The following SEMA3A variants were observed in gnomAD, a reference collection of about 807,000 sequenced individuals.
SEMA3A encodes semaphorin-3A.
Under a neutral mutation model 97.9 loss-of-function variants are expected in SEMA3A, and 29 were observed. The ratio of observed to expected loss-of-function variants is 0.30; its 90% CI spans 0.22 to 0.40. SEMA3A has a LOEUF of 0.40. Ranked by LOEUF, SEMA3A falls within the 10% of genes least tolerant of loss-of-function variation. The probability of loss-of-function intolerance (pLI) is 1.00; values close to 1 mark genes in which losing one functional copy is unlikely to be tolerated. For missense variants in SEMA3A, 763 were observed against 951.3 expected (o/e 0.80, Z 2.60); for synonymous variants, 321 against 323.7 (o/e 0.99, Z 0.09).
intron 15 of SEMA3A, 152 bp downstream of exon 15, chr7:83,976,980 T>C (rs1789174097): frequency 4.8e-6 from 2 of 419,112 alleles, no homozygotes; most frequent in Non-Finnish European, 8.5e-6. Context: ...TTGTGTTCTT[T>C]AGGATTTTCT....
chr7:84,406,230 C>T (rs1201100088), intron 1 of SEMA3A, among the ~76,000 whole-genome samples: 1 of 152,034 alleles, frequency 6.6e-6, no homozygotes, highest in African/African-American at 2.4e-5. Flanking sequence ...ACCACCGATC[C>T]CACAGAAATA....
At chr7:84,134,257 G>A (rs1000124004) in intron 2 of SEMA3A, among the ~76,000 whole-genome samples, 5 of 152,124 alleles carry the variant, frequency 3.3e-5, no homozygotes, top group African/African-American at 9.7e-5. Flanking sequence ...CATTTTTGTA[G>A]ACCAGTTGAT....
intron 2 of SEMA3A, among the ~76,000 whole-genome samples, chr7:84,308,824 C>CTTTTT (rs35125279): frequency 6.9e-6 from 1 of 144,942 alleles, no homozygotes; most frequent in African/African-American, 2.6e-5. Context: ...CTTTTTTTTT[C>CTTTTT]TTTTTTTTTT....
chr7:84,424,560 TAA>T lies in SEMA3A; in HGVS notation c.-245-52662_-245-52661del, dbSNP rs1491335712. Among the ~76,000 whole-genome samples the T allele has an allele frequency of 1.0e-3, 72 of 70,432 alleles. 1 individual carries two copies. The highest frequency in any genetic ancestry group is 4.0e-3 in the South Asian group (11 of 2,730). The allele number at this position is 70,432 out of a possible 152,430, so 46.2% of individuals were successfully genotyped here. A position where few individuals can be genotyped will look rare whatever the true frequency, so the allele number is the denominator to read the frequency against. On this transcript the variant is annotated intron_variant, in intron 1 of 3. Coordinates refer to the SEMA3A transcript ENST00000424555. ...TATAAATATTAATATATATTATATA[TAA>T]TATATAAATATTAATATATATTATA...
intron 2 of SEMA3A, among the ~76,000 whole-genome samples, chr7:84,346,524 T>A (rs181846799): frequency 3.0e-4 from 45 of 152,262 alleles, no homozygotes; most frequent in African/African-American, 1.1e-3. Flanking sequence ...GGCTATTAAT[T>A]GGCCTAATAT....
At chr7:84,051,363 G>A (rs113316532) in intron 5 of SEMA3A, among the ~76,000 whole-genome samples, 51 of 152,050 alleles carry the variant, frequency 3.4e-4, no homozygotes, top group Non-Finnish European at 5.4e-4. Context: ...TCTTCCTTTT[G>A]TTTGTATCCT....
rs60164389 is a variant in SEMA3A at position 84,344,035 on chromosome 7, A to G, written c.-169+27789T>C. ...GGAAAAAAAAAAAAGAAAATTTGTA[A>G]TATTCATATAGACATTATTTAAAGA... is the stretch of plus-strand genomic sequence containing the variant. On this transcript the variant is annotated intron_variant, in intron 2 of 3. Coordinates refer to the SEMA3A transcript ENST00000424555. Among the ~76,000 whole-genome samples the G allele has an allele frequency of 0.011, 1,600 of 152,162 alleles. 46 individuals carry two copies. In the East Asian group the frequency reaches 0.11, roughly 11 times the overall value.
At chr7:84,054,300 C>T (rs1792840167) in intron 5 of SEMA3A, among the ~76,000 whole-genome samples, 1 of 152,276 alleles carries the variant, frequency 6.6e-6, no homozygotes, top group Non-Finnish European at 1.5e-5. Flanking sequence ...TAATATCCTG[C>T]AGAGTGTTTT....
chr7:84,308,276 G>T (rs555906271), intron 2 of SEMA3A, among the ~76,000 whole-genome samples: 22 of 152,050 alleles, frequency 1.4e-4, no homozygotes, highest in Non-Finnish European at 2.5e-4. Context: ...GATAGGATTA[G>T]ATAAAATTTA....
intron 3 of SEMA3A, among the ~76,000 whole-genome samples, chr7:84,282,544 G>A (rs1216088744): frequency 6.6e-6 from 1 of 152,028 alleles, no homozygotes; most frequent in Non-Finnish European, 1.5e-5. Context: ...TATTTGTGAA[G>A]TTTGTAAGCT....
chr7:84,472,579 T>C (rs1031753139), intron 1 of SEMA3A, among the ~76,000 whole-genome samples: 5 of 152,206 alleles, frequency 3.3e-5, no homozygotes, highest in Non-Finnish European at 5.9e-5. Flanking sequence ...TTCTATCAGA[T>C]ACAATGTTCA....
chr7:83,965,659 TATATATA>T (rs1281299293), intron 15 of SEMA3A, among the ~76,000 whole-genome samples: 26 of 12,292 alleles, frequency 2.1e-3, no homozygotes, highest in Non-Finnish European at 2.9e-3. Context: ...TATATATATA[TATATATA>T]TTTTTTTTTT....
chr7:84,175,045 G>T (rs369618957), intron 1 of SEMA3A, among the ~76,000 whole-genome samples: 1 of 151,954 alleles, frequency 6.6e-6, no homozygotes. Flanking sequence ...GCCTTTGAAC[G>T]AGAGTCTCTT....
At chr7:84,370,252 A>T (rs1802942157) in intron 2 of SEMA3A, among the ~76,000 whole-genome samples, 1 of 151,656 alleles carries the variant, frequency 6.6e-6, no homozygotes, top group Non-Finnish European at 1.5e-5. Flanking sequence ...AAGAATTTAT[A>T]GGGATTTAAT....
At chr7:84,430,833 T>C (rs1296453815) in intron 1 of SEMA3A, among the ~76,000 whole-genome samples, 2 of 149,812 alleles carry the variant, frequency 1.3e-5, no homozygotes, top group Admixed American at 1.3e-4. Flanking sequence ...ATTTAGATTA[T>C]ATTGTGTATT....
intron 13 of SEMA3A, among the ~76,000 whole-genome samples, chr7:83,984,668 A>G (rs1022730520): frequency 2.3e-5 from 3 of 129,454 alleles, no homozygotes; most frequent in African/African-American, 8.9e-5. Context: ...AAGAAAGTCT[A>G]GGTAACATTT....
chr7:84,402,176 C>A (rs1174172917), intron 1 of SEMA3A, among the ~76,000 whole-genome samples: 2 of 151,992 alleles, frequency 1.3e-5, no homozygotes, highest in African/African-American at 4.8e-5. Context: ...AAAACAAAAT[C>A]TAATTTAAAA....
intron 2 of SEMA3A, among the ~76,000 whole-genome samples, chr7:84,367,797 A>G (rs1038086681): frequency 6.6e-6 from 1 of 151,224 alleles, no homozygotes; most frequent in Admixed American, 6.6e-5. Context: ...TATGAAAAAA[A>G]TCTCAAAAAG....
chr7:84,327,420 G>A (rs922780496), intron 2 of SEMA3A, among the ~76,000 whole-genome samples: 1 of 151,642 alleles, frequency 6.6e-6, no homozygotes, highest in Non-Finnish European at 1.5e-5. Context: ...GAGGTAGTGG[G>A]AGAAAGAAAA....
Sources: gnomAD v4.1 joint callset for allele counts (sites outside exome capture counted in the v4.1 genomes callset) on GRCh38, gnomAD v4.1.1 for gene constraint, MANE v1.5 for transcripts, NCBI Gene and HGNC (gene_info 2026-07-23, HGNC 2026-07-21) for gene names.